HIPK2: variants seen among roughly 807,000 people sequenced by gnomAD.
HIPK2 encodes the protein homeodomain interacting protein kinase 2, also known as homeodomain-interacting protein kinase 2.
Under a neutral mutation model 113.7 loss-of-function variants are expected in HIPK2, and 27 were observed. That is an observed-to-expected ratio of 0.24 (90% CI 0.17 to 0.33). The LOEUF (loss-of-function observed/expected upper bound fraction) is 0.33, where lower values mean the gene tolerates loss of function less well. Among genes scored for constraint, HIPK2 ranks in the 10% least tolerant of loss-of-function variants. The pLI is 1.00. For missense variants in HIPK2, 1,257 were observed against 1,588.0 expected, an observed-to-expected ratio of 0.79 and a Z score of 3.54; for synonymous variants, 631 against 642.2, an observed-to-expected ratio of 0.98 and a Z score of 0.26.
chr7:139,658,722 A>G (rs1801760345), intron 2 of HIPK2, among the ~76,000 whole-genome samples: 1 of 152,174 alleles, frequency 6.6e-6, no homozygotes. Context: ...CTTGTTTTGT[A>G]CATCCTAATT....
At chr7:139,757,383 A>G (rs778335577) in intron 1 of HIPK2, among the ~76,000 whole-genome samples, 1 of 152,222 alleles carries the variant, frequency 6.6e-6, no homozygotes, top group Non-Finnish European at 1.5e-5. Context: ...ATAAGCATTT[A>G]TTGAGTACCA....
At chr7:139,730,065 T>C (rs1444080818) in intron 1 of HIPK2, among the ~76,000 whole-genome samples, 1 of 152,228 alleles carries the variant, frequency 6.6e-6, no homozygotes, top group Non-Finnish European at 1.5e-5. Context: ...ACTTTTCCTA[T>C]CCTTTAGAAA....
chr7:139,772,471 A>G (rs1796668086), intron 1 of HIPK2, among the ~76,000 whole-genome samples: 1 of 152,240 alleles, frequency 6.6e-6, no homozygotes, highest in Non-Finnish European at 1.5e-5. Context: ...TACAGACAGT[A>G]ATATTTATGG....
intron 2 of HIPK2, among the ~76,000 whole-genome samples, chr7:139,655,730 T>C (rs1243312233): frequency 6.6e-6 from 1 of 152,194 alleles, no homozygotes; most frequent in Non-Finnish European, 1.5e-5. Flanking sequence ...TACATTTGTA[T>C]TTTGGAAACA....
At chr7:139,660,590 T>A (rs1396284239) in intron 2 of HIPK2, among the ~76,000 whole-genome samples, 1 of 152,170 alleles carries the variant, frequency 6.6e-6, no homozygotes, top group African/African-American at 2.4e-5. Context: ...CGGGGCTTTG[T>A]TATATTTGTG....
At chr7:139,696,405 C>T (rs1315033188) in intron 2 of HIPK2, among the ~76,000 whole-genome samples, 2 of 151,818 alleles carry the variant, frequency 1.3e-5, no homozygotes, top group Non-Finnish European at 2.9e-5. Context: ...AGACCCCCCG[C>T]CACCAATCCC....
chr7:139,771,456 G>A (rs1425798935), intron 1 of HIPK2, among the ~76,000 whole-genome samples: 1 of 151,968 alleles, frequency 6.6e-6, no homozygotes, highest in Non-Finnish European at 1.5e-5. Flanking sequence ...AATAAAGACG[G>A]CCGAAATGAA....
At chr7:139,599,069 T>C (rs1026973728) in intron 11 of HIPK2, among the ~76,000 whole-genome samples, 1 of 152,218 alleles carries the variant, frequency 6.6e-6, no homozygotes, top group East Asian at 1.9e-4. Context: ...TCTGCTTATA[T>C]GAGGAAGCAG....
Position 139,667,207 on chromosome 7 carries a change from T to C in HIPK2, c.1104-35482A>G, listed in dbSNP as rs527317842. On this transcript the variant is annotated intron_variant, in intron 2 of 14. Coordinates refer to ENST00000406875, the MANE Select transcript of HIPK2 (RefSeq NM_022740.5). ...GTCACTTGATAGCCTATAGTTACCC[T>C]TGCATAGTTTTGGTCTTTCTACTTA... is the stretch of plus-strand genomic sequence containing the variant. Among the ~76,000 whole-genome samples, 36 of 152,358 alleles carry C rather than the reference T, an allele frequency of 2.4e-4. No individual in the cohort carries two copies. The South Asian group carries it at 7.2e-3, about 31-fold the overall frequency.
intron 2 of HIPK2, among the ~76,000 whole-genome samples, chr7:139,711,182 C>T (rs954802301): frequency 2.0e-5 from 3 of 151,808 alleles, no homozygotes; most frequent in Non-Finnish European, 4.4e-5. Context: ...AATCCCAGCA[C>T]TTTGGGAGGC....
chr7:139,641,621 G>A (rs890124364), intron 2 of HIPK2, among the ~76,000 whole-genome samples: 1 of 152,180 alleles, frequency 6.6e-6, no homozygotes, highest in African/African-American at 2.4e-5. Context: ...GGTTTGGGAG[G>A]GTGGTCCCGT....
At chr7:139,729,829 G>T (rs1028686626) in intron 1 of HIPK2, among the ~76,000 whole-genome samples, 2 of 152,196 alleles carry the variant, frequency 1.3e-5, no homozygotes, top group African/African-American at 4.8e-5. Context: ...GACGGTTAAA[G>T]TTTCAGCAGT....
intron 13 of HIPK2, among the ~76,000 whole-genome samples, chr7:139,581,714 C>T (rs541951589): frequency 1.3e-5 from 2 of 152,278 alleles, no homozygotes; most frequent in African/African-American, 2.4e-5. Context: ...GCTGCTTTCC[C>T]GACTTTTCCA....
At chr7:139,713,364 C>T (rs1349504642) in intron 2 of HIPK2, among the ~76,000 whole-genome samples, 1 of 152,142 alleles carries the variant, frequency 6.6e-6, no homozygotes, top group Non-Finnish European at 1.5e-5. Context: ...AGCTAGGATC[C>T]CCGATTTTGC....
chr7:139,758,298 G>A (rs961965230), intron 1 of HIPK2, among the ~76,000 whole-genome samples: 7 of 152,122 alleles, frequency 4.6e-5, no homozygotes, highest in Non-Finnish European at 1.0e-4. Context: ...GAAAAACATA[G>A]AGTCCAGAAA....
At chr7:139,618,754 A>G (rs948822472) in intron 7 of HIPK2, among the ~76,000 whole-genome samples, 3 of 152,168 alleles carry the variant, frequency 2.0e-5, no homozygotes, top group Non-Finnish European at 4.4e-5. Flanking sequence ...TCCACTTGAC[A>G]TGACGCCTGC....
intron 1 of HIPK2, among the ~76,000 whole-genome samples, chr7:139,764,676 A>G (rs1481385037): frequency 1.3e-5 from 2 of 152,228 alleles, no homozygotes; most frequent in Non-Finnish European, 2.9e-5. Context: ...ATACAACTTT[A>G]GGAGTCCCTA....
At chr7:139,766,577 A>G (rs966061623) in intron 1 of HIPK2, among the ~76,000 whole-genome samples, 6 of 152,198 alleles carry the variant, frequency 3.9e-5, no homozygotes, top group African/African-American at 1.4e-4. Context: ...GATCCTTCTT[A>G]CCGGAGTCAG....
chr7:139,667,328 C>T (rs1283592373), intron 2 of HIPK2, among the ~76,000 whole-genome samples: 1 of 152,004 alleles, frequency 6.6e-6, no homozygotes, highest in East Asian at 1.9e-4. Flanking sequence ...TCTTTAGAAA[C>T]AGTTGGATAA....
Sources: allele counts gnomAD v4.1 joint callset (sites outside exome capture counted in the v4.1 genomes callset), GRCh38; gene constraint gnomAD v4.1.1; transcripts MANE v1.5; gene names NCBI Gene and HGNC (gene_info 2026-07-23, HGNC 2026-07-21).